CAMK4: variants seen among roughly 807,000 people sequenced by gnomAD.
CAMK4 encodes the protein calcium/calmodulin-dependent protein kinase type IV.
In CAMK4, 22 loss-of-function variants were observed where a neutral mutation model predicts 44.9. The ratio of observed to expected loss-of-function variants is 0.49; its 90% CI spans 0.35 to 0.70. The LOEUF (loss-of-function observed/expected upper bound fraction) is 0.70. CAMK4 is among the 30% of genes least tolerant of loss of function. The pLI is 0.01. For missense variants in CAMK4, 498 were observed against 586.8 expected, an observed-to-expected ratio of 0.85 and a Z score of 1.56; for synonymous variants, 218 against 215.4, an observed-to-expected ratio of 1.01 and a Z score of -0.11.
At chr5:111,480,647 G>C (rs1431972563) in intron 9 of CAMK4, among the ~76,000 whole-genome samples, 4 of 152,042 alleles carry the variant, frequency 2.6e-5, no homozygotes, top group African/African-American at 9.7e-5. Flanking sequence ...TCATGTCCTG[G>C]AAGTGTAACC....
At chr5:111,318,605 A>G (rs544155056) in intron 1 of CAMK4, among the ~76,000 whole-genome samples, 6 of 152,278 alleles carry the variant, frequency 3.9e-5, no homozygotes, top group Non-Finnish European at 7.4e-5. Context: ...AACTTAGACA[A>G]CACTGTCCAG....
At chr5:111,232,414 A>G (rs191306946) in intron 1 of CAMK4, among the ~76,000 whole-genome samples, 1 of 152,156 alleles carries the variant, frequency 6.6e-6, no homozygotes, top group Non-Finnish European at 1.5e-5. Flanking sequence ...GAGCACTGGC[A>G]AACAGCATGT....
At chr5:111,373,575 G>A (rs172584) in intron 2 of CAMK4, among the ~76,000 whole-genome samples, 140,612 of 152,204 alleles carry the variant, frequency 0.92, 65,094 homozygotes, top group East Asian at 1. Flanking sequence ...GTTCTCTGTC[G>A]TCTTGAAAGT....
chr5:111,224,222 G>A, upstream of CAMK4: 1 of 330,882 alleles, frequency 3.0e-6, no homozygotes, highest in Non-Finnish European at 5.3e-6. The surrounding 1 kb of genome is among the most constrained non-coding windows in gnomAD (Gnocchi z 5.7). Flanking sequence ...CGAGGGGGAG[G>A]GAGCCTCTCT....
chr5:111,375,617 A>G (rs1490462118), intron 3 of CAMK4, among the ~76,000 whole-genome samples: 2 of 152,190 alleles, frequency 1.3e-5, no homozygotes, highest in African/African-American at 4.8e-5. Context: ...TCAAAACTTA[A>G]CATATGAGTT....
At chr5:111,362,050 T>G (rs1379760632) in intron 2 of CAMK4, among the ~76,000 whole-genome samples, 1 of 152,074 alleles carries the variant, frequency 6.6e-6, no homozygotes, top group Non-Finnish European at 1.5e-5. Context: ...CACTTTGATT[T>G]GAAAAGTCAT....
intron 7 of CAMK4, among the ~76,000 whole-genome samples, chr5:111,463,680 A>G (rs1580787353): frequency 6.6e-6 from 1 of 151,898 alleles, no homozygotes; most frequent in South Asian, 2.1e-4. Context: ...CTGTGTAGAC[A>G]CCCCCCACTA....
upstream of CAMK4, chr5:111,224,374 G>T: frequency 1.5e-6 from 2 of 1,377,432 alleles, no homozygotes; most frequent in Middle Eastern, 2.7e-4. This position sits in a 1 kb window ranked among gnomAD's most constrained non-coding sequence, Gnocchi z 5.7. Context: ...GCGCGTGAAG[G>T]ACGCCGCCTC....
intron 1 of CAMK4, among the ~76,000 whole-genome samples, chr5:111,322,340 A>G (rs1272097071): frequency 6.6e-6 from 1 of 152,118 alleles, no homozygotes; most frequent in Non-Finnish European, 1.5e-5. Flanking sequence ...ATCACCTCAG[A>G]TATTTATTTG....
At chr5:111,414,129 G>T (rs1041554797) in intron 5 of CAMK4, among the ~76,000 whole-genome samples, 2 of 152,150 alleles carry the variant, frequency 1.3e-5, no homozygotes, top group East Asian at 3.9e-4. Flanking sequence ...GTCAGACTTT[G>T]GACTAAGTAT....
chr5:111,281,500 A>G (rs1429302144), intron 1 of CAMK4, among the ~76,000 whole-genome samples: 2 of 152,174 alleles, frequency 1.3e-5, no homozygotes, highest in East Asian at 1.9e-4. Context: ...TAAAGCACAC[A>G]TATCATTCCT....
chr5:111,235,388 C>T (rs1362343887), intron 1 of CAMK4, among the ~76,000 whole-genome samples: 1 of 151,974 alleles, frequency 6.6e-6, no homozygotes, highest in East Asian at 1.9e-4. Flanking sequence ...AATAAATCAG[C>T]CTGGCCTAGA....
At chr5:111,455,835 C>T (rs185162) in intron 7 of CAMK4, among the ~76,000 whole-genome samples, 34,507 of 152,036 alleles carry the variant, frequency 0.23, 4,917 homozygotes, top group Non-Finnish European at 0.32. Flanking sequence ...CAGGCTTGAC[C>T]TTGAATATGT....
At chr5:111,397,649 CTGTGTG>C (rs3066726) in intron 5 of CAMK4, among the ~76,000 whole-genome samples, 174 of 88,562 alleles carry the variant, frequency 2.0e-3, no homozygotes, top group Admixed American at 3.5e-3. Flanking sequence ...AGTCAGCATG[CTGTGTG>C]TGTGTGTGTG....
At chr5:111,379,434 C>T (rs182725690) in intron 4 of CAMK4, among the ~76,000 whole-genome samples, 4 of 152,196 alleles carry the variant, frequency 2.6e-5, no homozygotes, top group African/African-American at 9.6e-5. Context: ...GGCATACAGC[C>T]AGTAAAGCAC....
intron 5 of CAMK4, among the ~76,000 whole-genome samples, chr5:111,435,597 G>T (rs1003953070): frequency 6.6e-6 from 1 of 152,148 alleles, no homozygotes; most frequent in African/African-American, 2.4e-5. Context: ...GTTCTGCTTG[G>T]CCAGAGTGTG....
chr5:111,352,260 C>G (rs1160471518), intron 2 of CAMK4, among the ~76,000 whole-genome samples: 1 of 151,980 alleles, frequency 6.6e-6, no homozygotes, highest in Non-Finnish European at 1.5e-5. Flanking sequence ...ATGAAAATAG[C>G]TATTATTTAT....
chr5:111,397,393 G>T (rs1486265407), intron 5 of CAMK4, among the ~76,000 whole-genome samples: 1 of 152,164 alleles, frequency 6.6e-6, no homozygotes, highest in African/African-American at 2.4e-5. Flanking sequence ...TTCATTTAAA[G>T]ATTTATTAGA....
chr5:111,440,931 A>G (rs370730151), intron 5 of CAMK4, among the ~76,000 whole-genome samples: 2 of 152,214 alleles, frequency 1.3e-5, no homozygotes, highest in African/African-American at 4.8e-5. Flanking sequence ...TACACATAGA[A>G]TATCTACTAC....
Sources: allele counts gnomAD v4.1 joint callset (sites outside exome capture counted in the v4.1 genomes callset), GRCh38; gene constraint gnomAD v4.1.1; non-coding constraint Gnocchi (gnomAD v3.1); transcripts MANE v1.5; gene names NCBI Gene and HGNC (gene_info 2026-07-23, HGNC 2026-07-21).